ADGRF3: variants seen among roughly 807,000 people sequenced by gnomAD.
ADGRF3 encodes G protein-coupled receptor 113.
In ADGRF3, 85 loss-of-function variants were observed where a neutral mutation model predicts 93.2. The observed-to-expected ratio is 0.91, with a 90% CI of 0.77 to 1.09. ADGRF3 has a LOEUF of 1.09. ADGRF3 is among the 50% of genes least tolerant of loss of function. ADGRF3 has a pLI of 0.00. For missense variants in ADGRF3, 1,125 were observed against 1,246.2 expected, an observed-to-expected ratio of 0.90 and a Z score of 1.46; for synonymous variants, 534 against 532.5, an observed-to-expected ratio of 1.00 and a Z score of -0.04.
At chr2:26,345,487 T>A (rs1435714453) in intron 1 of ADGRF3, among the ~76,000 whole-genome samples, 1 of 152,148 alleles carries the variant, frequency 6.6e-6, no homozygotes, top group Non-Finnish European at 1.5e-5. Flanking sequence ...AACATAGACC[T>A]GAGGGGCTTG....
intron 1 of ADGRF3, among the ~76,000 whole-genome samples, chr2:26,326,413 G>C (rs1282562491): frequency 6.6e-6 from 1 of 152,176 alleles, no homozygotes; most frequent in Non-Finnish European, 1.5e-5. Context: ...AGAGGGAACA[G>C]AAAATATATC....
intron 1 of ADGRF3, among the ~76,000 whole-genome samples, chr2:26,329,324 G>A (rs1028139918): frequency 5.3e-5 from 8 of 152,038 alleles, no homozygotes. Context: ...GTAGAGATGG[G>A]GTCTCACTAT....
chr2:26,309,634 T>C, intron 12 of ADGRF3, 53 bp from the exon 13 acceptor site: 4 of 1,587,896 alleles, frequency 2.5e-6, no homozygotes, highest in Non-Finnish European at 3.4e-6. Flanking sequence ...TATTGTCAAC[T>C]CTCCCTTGAA....
intron 13 of ADGRF3, 97 bp from the exon 14 acceptor site, chr2:26,309,204 CA>C: frequency 6.2e-7 from 1 of 1,613,416 alleles, no homozygotes; most frequent in South Asian, 1.1e-5. Flanking sequence ...GCAATCCCTT[CA>C]AGGCGTGACT....
chr2:26,314,569 A>G lies in ADGRF3; in HGVS notation c.773T>C (p.Val258Ala). The G allele has an allele frequency of 6.2e-7, 1 of 1,613,840 alleles. No homozygotes were observed. The highest frequency in any genetic ancestry group is 1.3e-5 in the African/African-American group (1 of 74,976). The change falls in exon 6 of 14, where the codon GTG becomes GCG. Residue 258 changes from valine (V) to alanine (A), a missense_variant. Physicochemically the swap from Val to Ala is moderately conservative, Grantham distance 64. Coordinates refer to ENST00000651242, the MANE Select transcript of ADGRF3 (RefSeq NM_001321971.2). The part of the protein sequence containing the change: ...AQGFKWNLYE[V>A]VRVPLKATDV... ...TGTCGCCTTCAAGGGCACCCTCACC[A>G]CCTCATACAGGTTCCACTTGAAGCC...
chr2:26,316,557 C>A, intron 3 of ADGRF3, 109 bp from the exon 4 acceptor site: 1 of 1,148,008 alleles, frequency 8.7e-7, no homozygotes, highest in Non-Finnish European at 1.2e-6. Flanking sequence ...GTATCTGGAC[C>A]AATCCCCAAG....
At chr2:26,319,048 A>G (rs1674946749) in intron 1 of ADGRF3, 7 of 1,549,712 alleles carry the variant, frequency 4.5e-6, no homozygotes, top group South Asian at 2.4e-5. Flanking sequence ...CGAACAGACC[A>G]TGGCTCAGTG....
In ADGRF3 at chr2:26,333,899, C is replaced by T. The variant is rs547446320; in HGVS notation, c.114+12222G>A. 4.9e-3 allele frequency among the ~76,000 whole-genome samples: 742 copies of T among 152,138 alleles called. 4 individuals are homozygous for T. Among genetic ancestry groups the T allele is most frequent in the African/African-American group, 0.017 (710 of 41,492 alleles). ...AGTGCAGTGGTGCAATCTCGGCTCA[C>T]TGCAACCTCCACTTCCCAGGTTCAA... is the stretch of plus-strand genomic sequence containing the variant. On this transcript the variant is annotated intron_variant, in intron 1 of 13. Coordinates refer to ENST00000651242, the MANE Select transcript of ADGRF3 (RefSeq NM_001321971.2).
Position 26,343,718 on chromosome 2 carries a change from T to C in ADGRF3, c.114+2403A>G, listed in dbSNP as rs184507660. On this transcript the variant is annotated intron_variant, in intron 1 of 13. Transcript: ENST00000651242. ...TCGGCCTTCCAAAGTGCTGGGATTA[T>C]AGGCGTGAGCCACGGCGCCCGGCCC... Among the ~76,000 whole-genome samples the C allele has an allele frequency of 7.9e-3, 1,202 of 152,322 alleles. 15 individuals carry two copies. Among genetic ancestry groups the C allele is most frequent in the Middle Eastern group, 0.02 (6 of 294 alleles).
intron 1 of ADGRF3, among the ~76,000 whole-genome samples, chr2:26,325,095 T>G (rs1480662404): frequency 6.6e-6 from 1 of 152,224 alleles, no homozygotes; most frequent in African/African-American, 2.4e-5. Flanking sequence ...ACAGGATTTC[T>G]GCTGGTTGCT....
chr2:26,309,622 A>G (rs377704005), intron 12 of ADGRF3, 41 bp from the exon 13 acceptor site: 5 of 1,601,990 alleles, frequency 3.1e-6, no homozygotes, highest in East Asian at 2.2e-5. Context: ...GGCAGTTATT[A>G]GTATTGTCAA....
intron 13 of ADGRF3, 102 bp from the exon 14 acceptor site, chr2:26,309,209 C>G: frequency 6.2e-7 from 1 of 1,612,924 alleles, no homozygotes; most frequent in Non-Finnish European, 8.5e-7. Context: ...CCCTTCAAGG[C>G]GTGACTCTCA....
chr2:26,341,930 G>A (rs1157701960), intron 1 of ADGRF3, among the ~76,000 whole-genome samples: 12 of 151,890 alleles, frequency 7.9e-5, no homozygotes, highest in African/African-American at 1.5e-4. Context: ...AAAATTAGCC[G>A]GGCATGGTGG....
At chr2:26,318,767 T>A (rs1674921248) in intron 1 of ADGRF3, 2 of 800,606 alleles carry the variant, frequency 2.5e-6, no homozygotes, top group African/African-American at 1.7e-5. Flanking sequence ...ACAAGAGCTA[T>A]CCCCCACACC....
At chr2:26,310,346 T>C in intron 10 of ADGRF3, 109 bp from the exon 11 acceptor site, 1 of 1,247,008 alleles carries the variant, frequency 8.0e-7, no homozygotes, top group Non-Finnish European at 1.1e-6. Flanking sequence ...CTCATCTCAA[T>C]TTTTCTGTTA....
intron 1 of ADGRF3, among the ~76,000 whole-genome samples, chr2:26,337,840 T>C (rs531708873): frequency 2.0e-5 from 3 of 151,556 alleles, no homozygotes; most frequent in Non-Finnish European, 4.4e-5. Flanking sequence ...TTGGCTAACA[T>C]GGCGAAAACC....
At position 26,313,764 on chromosome 2, in the gene ADGRF3, G is replaced by T; in HGVS notation, c.1068C>A (p.Ile356=). The T allele has an allele frequency of 6.2e-7, 1 of 1,613,918 alleles. No individual in the cohort carries two copies. Among genetic ancestry groups the T allele is most frequent in the South Asian group, 1.1e-5 (1 of 91,072 alleles). The part of the protein sequence containing the change: ...PLRVPISITI[I]QDGDITCPED... ...TGGGCCCCAGGCCCTGCGTACCCTG[G>T]ATGATGGTGATGGAGATGGGGACCC... is the stretch of plus-strand genomic sequence containing the variant. The change falls in exon 7 of 14, where the codon ATC becomes ATA. Residue 356 remains isoleucine (I), a synonymous_variant. Transcript: ENST00000651242.
chr2:26,312,466 G>A (rs879102541), intron 9 of ADGRF3, among the ~76,000 whole-genome samples: 5 of 152,180 alleles, frequency 3.3e-5, no homozygotes, highest in South Asian at 2.1e-4. Context: ...TGGAGGCGAC[G>A]GCCACACGCA....
At position 26,315,597 on chromosome 2, in the gene ADGRF3, C is replaced by T; in HGVS notation, c.643G>A (p.Gly215Arg). Residue 215 changes from glycine to arginine, a missense_variant, in exon 5 of 14, where the codon GGG becomes AGG. By Grantham distance (125) the Gly-to-Arg change is moderately radical (BLOSUM62 -2). Transcript: ENST00000651242. ...GSPSPILLQP[G>R]TQVSVTSSHG... ...CTGGAAGTCACAGACACCTGTGTCC[C>T]TGGCTGCAGGAGGATGGGACTGGGG... 6.4e-7 allele frequency: 1 copy of T among 1,551,658 alleles called. No homozygotes were observed. Among genetic ancestry groups the T allele is most frequent in the Non-Finnish European group, 8.7e-7 (1 of 1,147,004 alleles).
Sources: allele counts gnomAD v4.1 joint callset (sites outside exome capture counted in the v4.1 genomes callset), GRCh38; gene constraint gnomAD v4.1.1; transcripts MANE v1.5; gene names NCBI Gene and HGNC (gene_info 2026-07-23, HGNC 2026-07-21).